Variants in CELF2 observed in about 807,000 individuals in gnomAD.
CELF2 encodes CUG triplet repeat RNA-binding protein 2.
Under a neutral mutation model 62.6 loss-of-function variants are expected in CELF2, and 8 were observed. The observed-to-expected ratio is 0.13, with a 90% confidence interval of 0.07 to 0.23. The LOEUF (loss-of-function observed/expected upper bound fraction) is 0.23, where lower values mean the gene tolerates loss of function less well. Ranked by LOEUF, CELF2 falls within the 10% of genes least tolerant of loss-of-function variation. CELF2 has a pLI of 1.00. For missense variants in CELF2, 333 were observed against 671.0 expected (o/e 0.50, Z 5.56); for synonymous variants, 258 against 250.0 (o/e 1.03, Z -0.30).
At chr10:10,662,692 T>C in the CELF2 span, among the ~76,000 whole-genome samples, 1 of 140,452 alleles carries the variant, frequency 7.1e-6, no homozygotes, top group Admixed American at 6.8e-5. Context: ...TAATGCTAAA[T>C]TGACAAAAAA....
intron 2 of CELF2, among the ~76,000 whole-genome samples, chr10:10,927,793 G>A (rs1218846864): frequency 6.6e-6 from 1 of 152,046 alleles, no homozygotes; most frequent in East Asian, 1.9e-4. Flanking sequence ...ACTCCCACCT[G>A]AACTGTTAAA....
chr10:10,950,201 C>T (rs1460042830), intron 2 of CELF2, among the ~76,000 whole-genome samples: 2 of 152,180 alleles, frequency 1.3e-5, no homozygotes, highest in East Asian at 3.9e-4. Flanking sequence ...GGGCCAGGGC[C>T]TGAACCGTGG....
chr10:10,722,280 T>A, the CELF2 span, among the ~76,000 whole-genome samples: 1 of 152,014 alleles, frequency 6.6e-6, no homozygotes, highest in African/African-American at 2.4e-5. Context: ...GTCACAGAAC[T>A]CCAGTCTGGG....
intron 1 of CELF2, among the ~76,000 whole-genome samples, chr10:10,891,759 CT>C (rs1193392839): frequency 6.6e-6 from 1 of 152,202 alleles, no homozygotes; most frequent in Non-Finnish European, 1.5e-5. Flanking sequence ...CAGATCACCT[CT>C]GGCTTCTGGT....
At chr10:10,692,270 T>C in the CELF2 span, among the ~76,000 whole-genome samples, 1 of 151,280 alleles carries the variant, frequency 6.6e-6, no homozygotes, top group East Asian at 1.9e-4. Flanking sequence ...TAGGGAATCC[T>C]TTCCCCATTG....
intron 1 of CELF2, among the ~76,000 whole-genome samples, chr10:10,910,648 C>T (rs1028245618): frequency 2.3e-5 from 3 of 131,954 alleles, no homozygotes; most frequent in Admixed American, 9.7e-5. Context: ...TGTAGTGAGC[C>T]GAGATCGTGC....
chr10:11,186,619 A>G (rs2075003964), intron 2 of CELF2, among the ~76,000 whole-genome samples: 2 of 152,216 alleles, frequency 1.3e-5, no homozygotes, highest in East Asian at 1.9e-4. Flanking sequence ...TTCTAAATAC[A>G]GATTGCGCAT....
At chr10:10,726,936 A>C in the CELF2 span, among the ~76,000 whole-genome samples, 1 of 152,206 alleles carries the variant, frequency 6.6e-6, no homozygotes, top group Non-Finnish European at 1.5e-5. Context: ...ATTTTGACTC[A>C]TGGCGGAAGG....
chr10:10,670,902 C>G, the CELF2 span, among the ~76,000 whole-genome samples: 2 of 146,954 alleles, frequency 1.4e-5, no homozygotes, highest in Non-Finnish European at 3.0e-5. Flanking sequence ...AGTGCAATGG[C>G]TCATGCCTGT....
intron 1 of CELF2, among the ~76,000 whole-genome samples, chr10:10,894,119 A>G (rs77113539): frequency 6.7e-6 from 1 of 149,362 alleles, no homozygotes; most frequent in African/African-American, 2.5e-5. Flanking sequence ...GGGACAGGAG[A>G]AAAAAAAAAG....
intron 1 of CELF2, among the ~76,000 whole-genome samples, chr10:10,837,379 A>C (rs1169303080): frequency 1.3e-5 from 2 of 152,172 alleles, no homozygotes; most frequent in Non-Finnish European, 2.9e-5. Flanking sequence ...AGCCTCGTGG[A>C]ACTATGAGTC....
At chr10:10,658,575 C>G in the CELF2 span, among the ~76,000 whole-genome samples, 1 of 152,162 alleles carries the variant, frequency 6.6e-6, no homozygotes, top group Non-Finnish European at 1.5e-5. Flanking sequence ...GGCCAATTTG[C>G]TAACTTTTAT....
chr10:11,200,045 C>T (rs1014890470), intron 2 of CELF2, among the ~76,000 whole-genome samples: 2 of 152,180 alleles, frequency 1.3e-5, no homozygotes, highest in South Asian at 2.1e-4. Flanking sequence ...GACACGCCTT[C>T]TGGATTTCTA....
At chr10:10,486,965 C>T in the CELF2 span, among the ~76,000 whole-genome samples, 1 of 152,186 alleles carries the variant, frequency 6.6e-6, no homozygotes, top group Non-Finnish European at 1.5e-5. Context: ...TATCCCATCT[C>T]TTCATTCCCC....
chr10:10,806,211 T>TTC (rs1028327581), intron 1 of CELF2, among the ~76,000 whole-genome samples: 3 of 150,626 alleles, frequency 2.0e-5, no homozygotes, highest in Admixed American at 1.3e-4. Context: ...TTCTTTTTTT[T>TTC]TTTTTTTCTT....
chr10:11,255,312 C>T lies in CELF2; in HGVS notation c.404-2426C>T, dbSNP rs1374049526. 6.6e-6 allele frequency among the ~76,000 whole-genome samples: 1 copy of T among 152,208 alleles called. No homozygotes were observed. Among genetic ancestry groups the T allele is most frequent in the South Asian group, 2.1e-4 (1 of 4,834 alleles). On this transcript the variant is annotated intron_variant, in intron 4 of 12. Coordinates refer to ENST00000633077, the MANE Select transcript of CELF2 (RefSeq NM_001326342.2). This position sits in a 1 kb window ranked among gnomAD's most constrained non-coding sequence, Gnocchi z 5.5. Reference sequence around the variant, plus strand: ...CTCCGAGTCTGAACACAAGCAGTGGCTCAGGCCAGCTGATGCTTTCCTCAC... The same window carrying T: ...CTCCGAGTCTGAACACAAGCAGTGGTTCAGGCCAGCTGATGCTTTCCTCAC...
intron 11 of CELF2, among the ~76,000 whole-genome samples, chr10:11,322,643 T>G (rs2292054): frequency 4.6e-3 from 407 of 88,798 alleles, no homozygotes; most frequent in Non-Finnish European, 7.4e-3. Flanking sequence ...TCATGGTTTT[T>G]TTTTTTTTTT....
chr10:11,085,674 T>A (rs771592190), intron 1 of CELF2, among the ~76,000 whole-genome samples: 1 of 152,102 alleles, frequency 6.6e-6, no homozygotes, highest in African/African-American at 2.4e-5. Flanking sequence ...GCGGTCTGGT[T>A]CAGGGCCTGC....
rs959290727 is a variant in CELF2 at position 11,206,955 on chromosome 10, C to T, written c.272-10470C>T. On this transcript the variant is annotated intron_variant, in intron 2 of 12. Transcript: ENST00000633077. ...GGAGAGTTCGTGAAACAGCTGAACACGATGATTGTCCCATCGGGGGAAAAA... is the reference window on the plus strand; with the variant it reads ...GGAGAGTTCGTGAAACAGCTGAACATGATGATTGTCCCATCGGGGGAAAAA... Among the ~76,000 whole-genome samples, 6 of 152,134 alleles carry T rather than the reference C, an allele frequency of 3.9e-5. No individual in the cohort carries two copies. The South Asian group carries it at 1.0e-3, about 26-fold the overall frequency.
Sources: gnomAD v4.1 joint callset for allele counts (sites outside exome capture counted in the v4.1 genomes callset) on GRCh38, gnomAD v4.1.1 for gene constraint, Gnocchi (gnomAD v3.1) non-coding constraint, MANE v1.5 for transcripts, NCBI Gene and HGNC (gene_info 2026-07-23, HGNC 2026-07-21) for gene names.